Variants in DLGAP1 observed in about 807,000 individuals in gnomAD.
The protein encoded by DLGAP1 is disks large-associated protein 1.
A neutral mutation model predicts 90.8 loss-of-function variants in DLGAP1; 11 were observed. That is an observed-to-expected ratio of 0.12 (90% confidence interval 0.08 to 0.20). DLGAP1 has a LOEUF of 0.20. Among genes scored for constraint, DLGAP1 ranks in the 10% least tolerant of loss-of-function variants. The pLI, the probability that DLGAP1 is intolerant of heterozygous loss-of-function variation, is 1.00. For missense variants in DLGAP1, 1,050 were observed against 1,333.8 expected, an observed-to-expected ratio of 0.79 and a Z score of 3.31; for synonymous variants, 558 against 540.7, an observed-to-expected ratio of 1.03 and a Z score of -0.44.
intron 2 of DLGAP1, among the ~76,000 whole-genome samples, chr18:4,054,128 G>A (rs1297846734): frequency 1.3e-5 from 2 of 152,162 alleles, no homozygotes; most frequent in African/African-American, 4.8e-5. Context: ...GTAGAATGGA[G>A]AACTTTCTCT....
At chr18:3,845,589 G>C in intron 4 of DLGAP1, 2 of 985,414 alleles carry the variant, frequency 2.0e-6, no homozygotes, top group Non-Finnish European at 2.4e-6. Context: ...CACTGTCCCA[G>C]CAAAATCATA....
chr18:3,869,632 A>G (rs1040339918), intron 4 of DLGAP1, among the ~76,000 whole-genome samples: 4 of 152,376 alleles, frequency 2.6e-5, no homozygotes, highest in South Asian at 2.1e-4. Context: ...TAGTCGGCAC[A>G]CAAGACAGTG....
chr18:3,976,453 A>G (rs929787385), intron 3 of DLGAP1, among the ~76,000 whole-genome samples: 2 of 152,130 alleles, frequency 1.3e-5, no homozygotes, highest in Non-Finnish European at 2.9e-5. Flanking sequence ...AAAATGAAAT[A>G]AACATCACCC....
intron 5 of DLGAP1, among the ~76,000 whole-genome samples, chr18:3,758,927 T>C (rs2063831680): frequency 6.6e-6 from 1 of 152,138 alleles, no homozygotes. Context: ...GGAGTGTGAC[T>C]TCATAAAGGG....
intron 7 of DLGAP1, among the ~76,000 whole-genome samples, chr18:3,619,373 G>A (rs1340679207): frequency 6.6e-6 from 1 of 152,208 alleles, no homozygotes; most frequent in East Asian, 1.9e-4. Flanking sequence ...CAGGCAGGAT[G>A]GTAAAGCAGT....
intron 1 of DLGAP1, among the ~76,000 whole-genome samples, chr18:4,377,317 T>C (rs2082034501): frequency 6.6e-6 from 1 of 152,206 alleles, no homozygotes; most frequent in Admixed American, 6.6e-5. Flanking sequence ...AATCAAGTTC[T>C]GAATAGAAAA....
intron 3 of DLGAP1, among the ~76,000 whole-genome samples, chr18:4,002,103 T>C (rs552946887): frequency 6.6e-6 from 1 of 152,340 alleles, no homozygotes; most frequent in East Asian, 1.9e-4. Context: ...GTCTTGCTTT[T>C]GCTATCTTAG....
At chr18:3,558,236 T>TTTTGTTTG (rs1334636213) in intron 9 of DLGAP1, among the ~76,000 whole-genome samples, 1 of 152,004 alleles carries the variant, frequency 6.6e-6, no homozygotes, top group Non-Finnish European at 1.5e-5. Flanking sequence ...ATTTTGTAGT[T>TTTTGTTTG]TTTGTTTGTT....
intron 1 of DLGAP1, among the ~76,000 whole-genome samples, chr18:4,163,003 G>A (rs2076872544): frequency 6.6e-6 from 1 of 152,056 alleles, no homozygotes; most frequent in Non-Finnish European, 1.5e-5. Context: ...GCTTGAGTCT[G>A]ACTCGCCCAC....
chr18:4,281,269 G>A (rs1294621361), intron 1 of DLGAP1, among the ~76,000 whole-genome samples: 3 of 152,130 alleles, frequency 2.0e-5, no homozygotes, highest in African/African-American at 7.2e-5. Flanking sequence ...TAAAATGTGG[G>A]GCCGGGCGCA....
chr18:3,774,702 AG>A (rs1312934241), intron 5 of DLGAP1: 1 of 152,206 alleles, frequency 6.6e-6, no homozygotes, highest in African/African-American at 2.4e-5. Flanking sequence ...GTACATGGTC[AG>A]GTCATAAGTT....
At chr18:4,440,409 G>A (rs2083506550) in intron 1 of DLGAP1, among the ~76,000 whole-genome samples, 1 of 151,942 alleles carries the variant, frequency 6.6e-6, no homozygotes, top group Non-Finnish European at 1.5e-5. Flanking sequence ...TTTCAGTATG[G>A]GACATTTGTG....
rs1413890458 is a variant in DLGAP1 at position 3,814,056 on chromosome 18, C to T, written c.1172+3G>A. On this transcript the variant is annotated splice_donor_region_variant and intron_variant, in intron 5 of 12. Coordinates refer to ENST00000315677, the MANE Select transcript of DLGAP1 (RefSeq NM_004746.4). ...TCGCAAGTGCAGGGTTAGGACTACT[C>T]ACTTGAGTGTGGTGAGTTCTGTAAG... 12 of 1,613,948 alleles carry T rather than the reference C, an allele frequency of 7.4e-6. No individual in the cohort carries two copies. The highest frequency in any genetic ancestry group is 1.0e-5 in the Non-Finnish European group (12 of 1,179,958).
At chr18:3,941,146 T>C (rs1217439203) in intron 3 of DLGAP1, among the ~76,000 whole-genome samples, 4 of 152,230 alleles carry the variant, frequency 2.6e-5, no homozygotes, top group African/African-American at 9.6e-5. Context: ...AAAACTGTCA[T>C]GATTAAATTC....
At chr18:4,343,649 G>A (rs955408261) in intron 1 of DLGAP1, among the ~76,000 whole-genome samples, 1 of 152,026 alleles carries the variant, frequency 6.6e-6, no homozygotes, top group Non-Finnish European at 1.5e-5. Context: ...GTGCCTGTTG[G>A]GGGGTCGGGG....
chr18:3,723,405 T>C (rs149917635), intron 7 of DLGAP1, among the ~76,000 whole-genome samples: 277 of 152,372 alleles, frequency 1.8e-3, no homozygotes, highest in African/African-American at 6.3e-3. Flanking sequence ...GAAAGTCAGC[T>C]TGATTATTCA....
intron 7 of DLGAP1, among the ~76,000 whole-genome samples, chr18:3,694,930 G>GTT (rs894181264): frequency 2.0e-4 from 25 of 128,102 alleles, no homozygotes; most frequent in Admixed American, 3.3e-4. Context: ...TGCTTTTGGT[G>GTT]TTTTTTTTGT....
intron 7 of DLGAP1, chr18:3,680,043 C>G (rs1000338802): frequency 1.3e-5 from 2 of 152,010 alleles, no homozygotes; most frequent in Non-Finnish European, 2.9e-5. Flanking sequence ...GAAATGTGAA[C>G]CATTTCTCAA....
At chr18:4,249,121 T>C (rs917554600) in intron 1 of DLGAP1, among the ~76,000 whole-genome samples, 19 of 152,290 alleles carry the variant, frequency 1.2e-4, no homozygotes, top group African/African-American at 4.3e-4. Context: ...TTTCTCTCCA[T>C]TGTACTCCTC....
Sources: gnomAD v4.1 joint callset for allele counts (sites outside exome capture counted in the v4.1 genomes callset) on GRCh38, gnomAD v4.1.1 for gene constraint, MANE v1.5 for transcripts, NCBI Gene and HGNC (gene_info 2026-07-23, HGNC 2026-07-21) for gene names.